The following MS4A3 variants were observed in gnomAD, a reference collection of about 807,000 sequenced individuals.
The protein encoded by MS4A3 is membrane spanning 4-domains A3, also known as membrane-spanning 4-domains subfamily A member 3.
Under a neutral mutation model 24.7 loss-of-function variants are expected in MS4A3, and 18 were observed. The observed-to-expected ratio is 0.73, with a 90% CI of 0.50 to 1.08. The LOEUF is 1.08. Among genes scored for constraint, MS4A3 ranks in the 50% least tolerant of loss-of-function variants. The pLI is 0.00. For synonymous variants in MS4A3, 84 were observed against 95.3 expected, an observed-to-expected ratio of 0.88 and a Z score of 0.69; for missense variants, 282 against 251.7, an observed-to-expected ratio of 1.12 and a Z score of -0.82.
intron 2 of MS4A3, among the ~76,000 whole-genome samples, chr11:60,062,205 G>T (rs507035): frequency 6.6e-6 from 1 of 151,818 alleles, no homozygotes; most frequent in Admixed American, 6.6e-5. Flanking sequence ...CTGTTTTACT[G>T]TCCTGCCACT....
chr11:60,064,430 T>G, intron 4 of MS4A3, 112 bp downstream of exon 4: 1 of 642,950 alleles, frequency 1.6e-6, no homozygotes, highest in South Asian at 3.0e-5. Flanking sequence ...TATCATTTAA[T>G]GCACAAAATA....
At chr11:60,068,488 G>A (rs1855413369) in intron 5 of MS4A3, among the ~76,000 whole-genome samples, 2 of 149,128 alleles carry the variant, frequency 1.3e-5, no homozygotes, top group Middle Eastern at 3.4e-3. Context: ...TCCTGACCTC[G>A]TGATCCGCCC....
chr11:60,064,148 A>T (rs1280044121), intron 3 of MS4A3, 114 bp from the exon 4 acceptor site: 5 of 550,958 alleles, frequency 9.1e-6, no homozygotes. Context: ...ATGTGAATTT[A>T]AAAGGGAGGT....
rs138254433 is a variant in MS4A3 at position 60,060,620 on chromosome 11, G to A, written c.-15-526G>A. Among the ~76,000 whole-genome samples, 795 of 151,924 alleles carry A rather than the reference G, an allele frequency of 5.2e-3. 8 individuals are homozygous for A. The highest frequency in any genetic ancestry group is 0.016 in the African/African-American group (681 of 41,388). Reference sequence around the variant, plus strand: ...CCATATGAGTTTGGGTAAGTTTCTCGGTCTCTCTATACCTCAATTTTTTTC... The same window carrying A: ...CCATATGAGTTTGGGTAAGTTTCTCAGTCTCTCTATACCTCAATTTTTTTC... On this transcript the variant is annotated intron_variant, in intron 1 of 6. Coordinates refer to ENST00000278865, the MANE Select transcript of MS4A3 (RefSeq NM_006138.5).
At chr11:60,066,731 T>C in intron 4 of MS4A3, among the ~76,000 whole-genome samples, 1 of 152,310 alleles carries the variant, frequency 6.6e-6, no homozygotes, top group Middle Eastern at 3.4e-3. Context: ...GTAATTTACC[T>C]ATAGTATGTT....
At chr11:60,066,558 T>C (rs769017310) in intron 4 of MS4A3, among the ~76,000 whole-genome samples, 2 of 152,078 alleles carry the variant, frequency 1.3e-5, no homozygotes, top group African/African-American at 2.4e-5. Flanking sequence ...TCAAGGATAT[T>C]CCCCCAGATA....
chr11:60,062,610 G>A lies in MS4A3; in HGVS notation c.294+5G>A. The A allele has an allele frequency of 6.2e-7, 1 of 1,613,944 alleles. No homozygotes were observed. Among genetic ancestry groups the A allele is most frequent in the Non-Finnish European group, 8.5e-7 (1 of 1,179,940 alleles). ...CCGATTTGGGGTGCTGTGTTTGTGA[G>A]TATTCGTACTCCCCTGGCTATATGT... On this transcript the variant is annotated splice_donor_5th_base_variant and intron_variant, in intron 3 of 6. Transcript: ENST00000278865.
chr11:60,058,506 CAAAAAAAAAAAAAAAAAAA>C (rs58722616), intron 1 of MS4A3, among the ~76,000 whole-genome samples: 13 of 17,888 alleles, frequency 7.3e-4, no homozygotes, highest in African/African-American at 9.1e-4. Flanking sequence ...AGCTCCAACT[CAAAAAAAAAAAAAAAAAAA>C]AAAAAAAAAA....
intron 4 of MS4A3, 59 bp downstream of exon 4, chr11:60,064,377 CAGT>C: frequency 7.9e-7 from 1 of 1,268,250 alleles, no homozygotes; most frequent in Non-Finnish European, 1.1e-6. Flanking sequence ...TATTCATAAA[CAGT>C]AGGACAGTAA....
Position 60,070,354 on chromosome 11 carries a change from C to A in MS4A3, c.*121C>A. The stretch of plus-strand genomic sequence containing the variant: ...TGCTCGTAAAGCTCAATCCTTCTAT[C>A]ATGGCACCAATCACAAGAACCTTGG... On this transcript the variant is annotated 3_prime_UTR_variant, in exon 7 of 7. Transcript: ENST00000278865. The A allele has an allele frequency of 2.6e-6, 2 of 755,382 alleles. No homozygotes were observed. Among genetic ancestry groups the A allele is most frequent in the Non-Finnish European group, 2.2e-6 (1 of 449,462 alleles). The allele number at this position is 755,382 out of a possible 1,614,324, so 46.8% of individuals were successfully genotyped here. A position where few individuals can be genotyped will look rare whatever the true frequency, so the allele number is the denominator to read the frequency against.
intron 5 of MS4A3, among the ~76,000 whole-genome samples, chr11:60,068,415 T>A (rs1855411479): frequency 6.6e-6 from 1 of 150,430 alleles, no homozygotes; most frequent in Non-Finnish European, 1.5e-5. Flanking sequence ...AATTGTTTTT[T>A]TTTTTTTTTT....
intron 4 of MS4A3, among the ~76,000 whole-genome samples, chr11:60,064,980 CTT>C (rs1309714793): frequency 1.3e-5 from 2 of 152,140 alleles, no homozygotes; most frequent in African/African-American, 4.8e-5. Context: ...GATCTCCCTA[CTT>C]GAGTATAAGA....
intron 4 of MS4A3, among the ~76,000 whole-genome samples, chr11:60,064,724 T>G (rs756231318): frequency 2.6e-4 from 40 of 152,218 alleles, no homozygotes; most frequent in African/African-American, 7.7e-4. Flanking sequence ...TCCACTTTCC[T>G]ACTCCATTCA....
chr11:60,064,503 C>T (rs1229517257), intron 4 of MS4A3, among the ~76,000 whole-genome samples, 185 bp downstream of exon 4: 1 of 152,076 alleles, frequency 6.6e-6, no homozygotes, highest in African/African-American at 2.4e-5. Flanking sequence ...AGGATGCATT[C>T]CTGGGATGCT....
At chr11:60,058,812 TACAC>T (rs1228272016) in intron 1 of MS4A3, among the ~76,000 whole-genome samples, 4 of 152,282 alleles carry the variant, frequency 2.6e-5, no homozygotes, top group Admixed American at 2.6e-4. Context: ...TAATCCAAAA[TACAC>T]ACAAATTTCC....
chr11:60,067,813 C>CGAG (rs1565064882), intron 5 of MS4A3, among the ~76,000 whole-genome samples: 1 of 151,010 alleles, frequency 6.6e-6, no homozygotes, highest in Non-Finnish European at 1.5e-5. Flanking sequence ...TTTGGGAGGC[C>CGAG]GAGGCAGGCG....
Position 60,071,059 on chromosome 11 carries a change from T to C in MS4A3, c.*826T>C, listed in dbSNP as rs1213032760. The C allele has an allele frequency of 1.3e-5, 2 of 152,222 alleles. No homozygotes were observed. Among genetic ancestry groups the C allele is most frequent in the East Asian group, 3.8e-4 (2 of 5,206 alleles). The allele number at this position is 152,222 out of a possible 1,614,324, so 9.4% of individuals were successfully genotyped here. A position where few individuals can be genotyped will look rare whatever the true frequency, so the allele number is the denominator to read the frequency against. On this transcript the variant is annotated 3_prime_UTR_variant, in exon 7 of 7. Coordinates refer to ENST00000278865, the MANE Select transcript of MS4A3 (RefSeq NM_006138.5). ...GTAAAATAGGTGTAATAATAACAACTACTTTGTCGGTTGCTCTGAGGGTTA... is the reference window on the plus strand; with the variant it reads ...GTAAAATAGGTGTAATAATAACAACCACTTTGTCGGTTGCTCTGAGGGTTA...
chr11:60,062,407 C>T, intron 2 of MS4A3, 61 bp from the exon 3 acceptor site: 1 of 1,592,242 alleles, frequency 6.3e-7, no homozygotes, highest in Non-Finnish European at 8.6e-7. Flanking sequence ...TTAAAATGGC[C>T]TGTTTTCAGT....
At chr11:60,058,340 C>T (rs71488432) in intron 1 of MS4A3, among the ~76,000 whole-genome samples, 1 of 150,982 alleles carries the variant, frequency 6.6e-6, no homozygotes. Flanking sequence ...AACCCCATCT[C>T]TACTAAAAGT....
Sources: gnomAD v4.1 joint callset for allele counts (sites outside exome capture counted in the v4.1 genomes callset) on GRCh38, gnomAD v4.1.1 for gene constraint, MANE v1.5 for transcripts, NCBI Gene and HGNC (gene_info 2026-07-23, HGNC 2026-07-21) for gene names.